Variants in LGR6 observed in about 807,000 individuals in gnomAD.
The protein encoded by LGR6 is leucine rich repeat containing G protein-coupled receptor 6.
In LGR6, 45 loss-of-function variants were observed where a neutral mutation model predicts 69.4. The observed-to-expected ratio is 0.65, with a 90% CI of 0.51 to 0.83. The LOEUF is 0.83. Ranked by LOEUF, LGR6 falls within the 40% of genes least tolerant of loss-of-function variation. LGR6 has a pLI of 0.00. For synonymous variants in LGR6, 538 were observed against 555.0 expected (o/e 0.97, Z 0.43); for missense variants, 1,108 against 1,246.7 (o/e 0.89, Z 1.68).
At chr1:202,315,863 A>G (rs1360816564) in intron 17 of LGR6, among the ~76,000 whole-genome samples, 1 of 152,178 alleles carries the variant, frequency 6.6e-6, no homozygotes, top group Non-Finnish European at 1.5e-5. Flanking sequence ...AAAAACACAC[A>G]TGCTGCATTC....
At chr1:202,301,876 G>A (rs772055839) in intron 9 of LGR6, among the ~76,000 whole-genome samples, 4 of 152,082 alleles carry the variant, frequency 2.6e-5, no homozygotes, top group Non-Finnish European at 5.9e-5. Context: ...AAAAGTAGCC[G>A]GGCGTGGTGG....
At chr1:202,202,183 C>A (rs573643149) in intron 1 of LGR6, among the ~76,000 whole-genome samples, 92 of 152,286 alleles carry the variant, frequency 6.0e-4, no homozygotes, top group Non-Finnish European at 9.1e-4. Context: ...TGAGGAACCA[C>A]ATTGGGGCTT....
intron 6 of LGR6, among the ~76,000 whole-genome samples, chr1:202,295,704 C>A (rs1667103157): frequency 6.6e-6 from 1 of 152,216 alleles, no homozygotes; most frequent in Admixed American, 6.5e-5. Flanking sequence ...ACATCCTTCA[C>A]ACAGCCTGTG....
chr1:202,225,861 G>A (rs1660510429), intron 2 of LGR6, among the ~76,000 whole-genome samples: 1 of 152,072 alleles, frequency 6.6e-6, no homozygotes, highest in Admixed American at 6.6e-5. Flanking sequence ...CCTCCACCCC[G>A]CTTCTCTAGT....
At chr1:202,299,752 A>G (rs1667442645) in intron 7 of LGR6, among the ~76,000 whole-genome samples, 1 of 152,192 alleles carries the variant, frequency 6.6e-6, no homozygotes, top group Non-Finnish European at 1.5e-5. Flanking sequence ...GGAAGTCACG[A>G]TGGGGATGGC....
intron 4 of LGR6, among the ~76,000 whole-genome samples, chr1:202,243,932 A>G (rs71635576): frequency 7.0e-6 from 1 of 143,192 alleles, no homozygotes; most frequent in East Asian, 2.0e-4. Context: ...AGAATAAAAA[A>G]CAAAGTCTTT....
chr1:202,219,302 G>T (rs978906807), intron 1 of LGR6, among the ~76,000 whole-genome samples: 1 of 152,214 alleles, frequency 6.6e-6, no homozygotes, highest in African/African-American at 2.4e-5. Context: ...TATGTGCCCG[G>T]CTCAGCCTGG....
At chr1:202,287,306 G>C (rs529951840) in intron 6 of LGR6, among the ~76,000 whole-genome samples, 1 of 152,218 alleles carries the variant, frequency 6.6e-6, no homozygotes, top group Non-Finnish European at 1.5e-5. Flanking sequence ...AGACTAAAGG[G>C]TTCTAGATCA....
chr1:202,309,487 A>G (rs937972372), intron 15 of LGR6, among the ~76,000 whole-genome samples: 7 of 152,234 alleles, frequency 4.6e-5, no homozygotes, highest in Non-Finnish European at 2.9e-5. Flanking sequence ...ATCTGGTTCC[A>G]CATGTCCAGA....
chr1:202,258,666 G>A (rs1386142632), intron 4 of LGR6, among the ~76,000 whole-genome samples: 4 of 151,678 alleles, frequency 2.6e-5, no homozygotes, highest in African/African-American at 7.3e-5. Context: ...ATATTGAGGT[G>A]TATACATTCA....
intron 3 of LGR6, among the ~76,000 whole-genome samples, chr1:202,228,957 T>C (rs1660788402): frequency 6.6e-6 from 1 of 152,132 alleles, no homozygotes; most frequent in Non-Finnish European, 1.5e-5. Context: ...GAGCAGGTTG[T>C]TCATTGCACC....
At position 202,305,620 on chromosome 1, in the gene LGR6, G is replaced by A. The variant is rs189285464; in HGVS notation, c.1071-64G>A. On this transcript the variant is annotated intron_variant, in intron 11 of 17. Coordinates refer to ENST00000367278, the MANE Select transcript of LGR6 (RefSeq NM_001017403.2). ...AGCACAGTCCTGGCTAGAGCCCCCC[G>A]TCCCCGAGCAGCCCTCAGATAGCCA... 6.6e-4 allele frequency: 931 copies of A among 1,409,660 alleles called. 1 individual carries two copies. Among genetic ancestry groups the A allele is most frequent in the African/African-American group, 1.6e-3 (115 of 70,860 alleles). 87.3% of individuals were successfully genotyped at this position (1,409,660 alleles called of 1,614,324 possible).
chr1:202,197,943 C>T (rs1258429421), intron 1 of LGR6, among the ~76,000 whole-genome samples: 1 of 152,228 alleles, frequency 6.6e-6, no homozygotes, highest in African/African-American at 2.4e-5. Flanking sequence ...ACCTCAGGCT[C>T]ATGCACTTGC....
rs1410950151 is a variant in LGR6 at position 202,193,945 on chromosome 1, C to A, written c.-45C>A. On this transcript the variant is annotated 5_prime_UTR_variant, in exon 1 of 18. Coordinates refer to ENST00000367278, the MANE Select transcript of LGR6 (RefSeq NM_001017403.2). ...AAGCAGCTGCGGCCATCGCGCCGTGCGTCCGCGCCCGGCCGCCAGGTGCCC... is the reference window on the plus strand; with the variant it reads ...AAGCAGCTGCGGCCATCGCGCCGTGAGTCCGCGCCCGGCCGCCAGGTGCCC... 1.7e-6 allele frequency: 2 copies of A among 1,210,108 alleles called. No homozygotes were observed. The highest frequency in any genetic ancestry group is 2.1e-6 in the Non-Finnish European group (2 of 953,098). 75.0% of individuals were successfully genotyped at this position (1,210,108 alleles called of 1,614,324 possible). A position where few individuals can be genotyped will look rare whatever the true frequency, so the allele number is the denominator to read the frequency against.
chr1:202,295,886 T>TG (rs2148238315), intron 6 of LGR6, among the ~76,000 whole-genome samples: 1 of 149,864 alleles, frequency 6.7e-6, no homozygotes, highest in South Asian at 2.1e-4. Flanking sequence ...TGTGTGTGTG[T>TG]GTGTGTGTGT....
intron 1 of LGR6, among the ~76,000 whole-genome samples, chr1:202,221,230 C>T (rs1342489988): frequency 6.6e-6 from 1 of 152,068 alleles, no homozygotes; most frequent in South Asian, 2.1e-4. Flanking sequence ...GGGATATGAG[C>T]CAGATTGCCT....
chr1:202,319,097 A>G lies in LGR6; in HGVS notation c.2794A>G (p.Met932Val), dbSNP rs370251842. 11 of 1,614,044 alleles carry G rather than the reference A, an allele frequency of 6.8e-6. No homozygotes were observed. The highest frequency in any genetic ancestry group is 1.7e-5 in the Admixed American group (1 of 60,006). The stretch of plus-strand genomic sequence containing the variant: ...CCACTTTGGGAACCCCCAACCCTCC[A>G]TGGATGGAGAACTGCTGCTGAGGGC... ...GNHFGNPQPS[M>V]DGELLLRAEG... The change falls in exon 18 of 18, where the codon ATG becomes GTG. Residue 932 changes from methionine to valine, a missense_variant. Coordinates refer to ENST00000367278, the MANE Select transcript of LGR6 (RefSeq NM_001017403.2).
At chr1:202,309,580 G>A (rs705764) in intron 15 of LGR6, among the ~76,000 whole-genome samples, 86,827 of 152,190 alleles carry the variant, frequency 0.57, 25,871 homozygotes, top group East Asian at 0.75. Context: ...AACAAGCTGC[G>A]CAGCCAGGCC....
At chr1:202,209,491 C>A (rs1039588219) in intron 1 of LGR6, among the ~76,000 whole-genome samples, 2 of 152,164 alleles carry the variant, frequency 1.3e-5, no homozygotes, top group African/African-American at 4.8e-5. Context: ...ACGTGGGGAG[C>A]GGGCAGAGTT....
Sources: gnomAD v4.1 joint callset for allele counts (sites outside exome capture counted in the v4.1 genomes callset) on GRCh38, gnomAD v4.1.1 for gene constraint, MANE v1.5 for transcripts, NCBI Gene and HGNC (gene_info 2026-07-23, HGNC 2026-07-21) for gene names.